PRRG3: variants seen among roughly 807,000 people sequenced by gnomAD.
PRRG3 encodes the protein proline rich and Gla domain 3.
PRRG3 carries 21 observed loss-of-function variants against 15.8 expected under a neutral mutation model. That is an observed-to-expected ratio of 1.33 (90% CI 0.94 to 1.92). PRRG3 has a LOEUF of 1.92. Ranked by LOEUF, PRRG3 falls within the 40% of genes most tolerant of loss-of-function variation. The pLI is 0.00. For missense variants in PRRG3, 251 were observed against 200.2 expected (o/e 1.25, Z -1.53); for synonymous variants, 125 against 84.1 (o/e 1.49, Z -2.66).
intron 1 of PRRG3, 137 bp from the exon 2 acceptor site, chrX:151,698,647 G>A (rs2014807214): frequency 4.7e-6 from 2 of 421,716 alleles, no homozygotes; most frequent in Non-Finnish European, 8.2e-6. Context: ...GCTGCATGGA[G>A]GACGACGCAC....
At position 151,700,778 on chromosome X, in the gene PRRG3, G is replaced by A; in HGVS notation, c.441G>A (p.Gly147=). ...TGCATAGCCAAGGGGAGCCTTCTGG[G>A]CACCGAGAGGCAGCGAACAGCCCCC... ...GTVHSQGEPS[G]HREAANSPQV... is the part of the protein sequence containing the mutation. The change falls in exon 4 of 4, where the codon GGG becomes GGA. Residue 147 remains glycine (G), a synonymous_variant. Coordinates refer to ENST00000674457, the MANE Select transcript of PRRG3 (RefSeq NM_001372163.1). The A allele has an allele frequency of 8.4e-7, 1 of 1,196,270 alleles. No homozygotes were observed. The highest frequency in any genetic ancestry group is 1.1e-6 in the Non-Finnish European group (1 of 885,820).
chrX:151,696,753 C>T (rs774045746), intron 1 of PRRG3, among the ~76,000 whole-genome samples: 1 of 110,360 alleles, frequency 9.1e-6, no homozygotes, highest in South Asian at 3.9e-4. Context: ...ACATAAAGCT[C>T]AGGTATCCAT....
chrX:151,703,290 T>C lies in PRRG3; in HGVS notation c.*2257T>C, dbSNP rs977362866. On this transcript the variant is annotated 3_prime_UTR_variant, in exon 4 of 4. Transcript: ENST00000674457. The stretch of plus-strand genomic sequence containing the variant: ...TCTCTGGGATGGTTTCTGCAGCACA[T>C]TGTAGAAAAAAGACTGTACAGCACA... The C allele has an allele frequency of 8.9e-6, 1 of 112,161 alleles. No homozygotes were observed. Among genetic ancestry groups the C allele is most frequent in the Non-Finnish European group, 1.9e-5 (1 of 53,208 alleles). The allele number at this position is 112,161 out of a possible 1,213,427, so 9.2% of individuals were successfully genotyped here. A position where few individuals can be genotyped will look rare whatever the true frequency, so the allele number is the denominator to read the frequency against.
intron 2 of PRRG3, among the ~76,000 whole-genome samples, chrX:151,699,545 A>G (rs5970097): frequency 0.28 from 30,739 of 111,715 alleles, 3,907 homozygotes; most frequent in Non-Finnish European, 0.4. Flanking sequence ...GTCTTCTAGG[A>G]TTATCTGGTA....
At position 151,701,261 on chromosome X, in the gene PRRG3, GCCCAACTCTTTGGGATGA is replaced by G. The variant is rs2014880132; in HGVS notation, c.*232_*249del. 6.7e-6 allele frequency: 2 copies of G among 300,024 alleles called. No homozygotes were observed. Among genetic ancestry groups the G allele is most frequent in the Admixed American group, 5.6e-5 (1 of 17,775 alleles). 24.7% of individuals were successfully genotyped at this position (300,024 alleles called of 1,213,427 possible). Reference sequence around the variant, plus strand: ...CCCGGGAAGAGCCAAAGGCCAAAGTGCCCAACTCTTTGGGATGACCCCCAAGCCTCCAACATCCTGTCT... The same window carrying G: ...CCCGGGAAGAGCCAAAGGCCAAAGTGCCCCCAAGCCTCCAACATCCTGTCT... On this transcript the variant is annotated 3_prime_UTR_variant, in exon 4 of 4. Coordinates refer to ENST00000674457, the MANE Select transcript of PRRG3 (RefSeq NM_001372163.1).
rs184808621 is a variant in PRRG3, at chrX:151,703,023, C to G, written c.*1990C>G. Reference sequence around the variant, plus strand: ...CAGTTAGCACAGAGCCAGGCATGAGCTCCACTGATCAGAGCCAAAGGGAGT... The same window carrying G: ...CAGTTAGCACAGAGCCAGGCATGAGGTCCACTGATCAGAGCCAAAGGGAGT... On this transcript the variant is annotated 3_prime_UTR_variant, in exon 4 of 4. Transcript: ENST00000674457. The G allele has an allele frequency of 4.4e-5, 5 of 112,751 alleles. No homozygotes were observed. Among genetic ancestry groups the G allele is most frequent in the African/African-American group, 1.3e-4 (4 of 31,031 alleles). 9.3% of individuals were successfully genotyped at this position (112,751 alleles called of 1,213,427 possible). A position where few individuals can be genotyped will look rare whatever the true frequency, so the allele number is the denominator to read the frequency against.
chrX:151,702,987 A>G lies in PRRG3; in HGVS notation c.*1954A>G, dbSNP rs2014910320. 3 of 112,480 alleles carry G rather than the reference A, an allele frequency of 2.7e-5. No individual in the cohort carries two copies. The highest frequency in any genetic ancestry group is 4.6e-3 in the Middle Eastern group (1 of 219). 9.3% of individuals were successfully genotyped at this position (112,480 alleles called of 1,213,427 possible). A position where few individuals can be genotyped will look rare whatever the true frequency, so the allele number is the denominator to read the frequency against. ...AGCAGGTGAGAAGAAACTTATCCCAATATGTCTACTCAGTTAGCACAGAGC... is the reference window on the plus strand; with the variant it reads ...AGCAGGTGAGAAGAAACTTATCCCAGTATGTCTACTCAGTTAGCACAGAGC... On this transcript the variant is annotated 3_prime_UTR_variant, in exon 4 of 4. Transcript: ENST00000674457.
rs149812906 is a variant in PRRG3, at chrX:151,700,875, C to T, written c.538C>T (p.Leu180Phe). 1,336 of 1,206,328 alleles carry T rather than the reference C, an allele frequency of 1.1e-3. 12 individuals carry two copies. In the African/African-American group the frequency reaches 0.021, roughly 19 times the overall value. ...AGAGAGCACCCTCTACCTCCCTGAG[C>T]TCTCTCTCTCCAGACTGTCCAGCAC... The part of the protein sequence containing the change: ...RLESTLYLPE[L>F]SLSRLSSTTP... Residue 180 changes from leucine (L) to phenylalanine (F), a missense_variant, in exon 4 of 4, where the codon CTC (leucine) becomes TTC (phenylalanine). Physicochemically the swap from Leu to Phe is conservative, Grantham distance 22. Transcript: ENST00000674457.
chrX:151,700,667 T>C lies in PRRG3; in HGVS notation c.330T>C (p.Arg110=). 1 of 1,211,039 alleles carries C rather than the reference T, an allele frequency of 8.3e-7. No homozygotes were observed. The highest frequency in any genetic ancestry group is 1.1e-6 in the Non-Finnish European group (1 of 895,246). ...GGTGCCAGCTGCAGAAAGCGACCCG[T>C]CACCACCCCTCCTATGCTCAGAACC... The part of the protein sequence containing the change: ...IWRCQLQKAT[R]HHPSYAQNRY... The change falls in exon 4 of 4, where the codon CGT becomes CGC. Residue 110 remains arginine (R), a synonymous_variant. Transcript: ENST00000674457.
chrX:151,695,340 G>A (rs2014739006), upstream of PRRG3: 1 of 111,087 alleles, frequency 9.0e-6, no homozygotes, highest in Non-Finnish European at 1.9e-5. Context: ...TTCGGCCCTG[G>A]AGGGGCGGGC....
In PRRG3 at chrX:151,701,922, G is replaced by A. The variant is rs1390175325; in HGVS notation, c.*889G>A. 8.9e-6 allele frequency: 1 copy of A among 112,744 alleles called. No homozygotes were observed. The highest frequency in any genetic ancestry group is 1.9e-5 in the Non-Finnish European group (1 of 53,364). 9.3% of individuals were successfully genotyped at this position (112,744 alleles called of 1,213,427 possible). Reference sequence around the variant, plus strand: ...GATTGAGGATTTCTCCTTAACGATGGTGCGCATCTCAGGAGAAGATCCTAA... The same window carrying A: ...GATTGAGGATTTCTCCTTAACGATGATGCGCATCTCAGGAGAAGATCCTAA... On this transcript the variant is annotated 3_prime_UTR_variant, in exon 4 of 4. Transcript: ENST00000674457.
Position 151,696,266 on chromosome X carries a change from A to G in PRRG3, c.-32+722A>G, listed in dbSNP as rs190961298. Among the ~76,000 whole-genome samples the G allele has an allele frequency of 5.9e-3, 653 of 111,099 alleles. 1 individual carries two copies. Among genetic ancestry groups the G allele is most frequent in the Non-Finnish European group, 9.6e-3 (509 of 52,972 alleles). ...CTTATTGTTGCCATAGTAACTGTCT[A>G]CTGATGGTGTATTTATAGGGGAAGA... On this transcript the variant is annotated intron_variant, in intron 1 of 3. Coordinates refer to ENST00000674457, the MANE Select transcript of PRRG3 (RefSeq NM_001372163.1).
In PRRG3 at chrX:151,705,201, T is replaced by C. The variant is rs1055544990; in HGVS notation, c.*4168T>C. 6.2e-6 allele frequency: 2 copies of C among 322,479 alleles called. No individual in the cohort carries two copies. Among genetic ancestry groups the C allele is most frequent in the Non-Finnish European group, 1.3e-5 (2 of 159,257 alleles). 26.6% of individuals were successfully genotyped at this position (322,479 alleles called of 1,213,427 possible). ...TCCGTTATTTATCCTGTGAATAACA[T>C]AGTTTGTGAACTAGACTGCAATTTA... On this transcript the variant is annotated 3_prime_UTR_variant, in exon 4 of 4. Coordinates refer to ENST00000674457, the MANE Select transcript of PRRG3 (RefSeq NM_001372163.1).
rs2014949743 is a variant in PRRG3, at chrX:151,704,688, GAGCTGCTGGTCTAGGTGGCTTTTCAGC to G, written c.*3656_*3682del. 8.9e-6 allele frequency: 1 copy of G among 111,940 alleles called. No individual in the cohort carries two copies. Among genetic ancestry groups the G allele is most frequent in the African/African-American group, 3.3e-5 (1 of 30,561 alleles). 9.2% of individuals were successfully genotyped at this position (111,940 alleles called of 1,213,427 possible). ...GGCTGAGATGGATATCTTGGCAGCA[GAGCTGCTGGTCTAGGTGGCTTTTCAGC>G]TTGACAAGTAATGAAGCTCCATTTC... On this transcript the variant is annotated 3_prime_UTR_variant, in exon 4 of 4. Coordinates refer to ENST00000674457, the MANE Select transcript of PRRG3 (RefSeq NM_001372163.1).
rs2014909925 is a variant in PRRG3 at position 151,702,958 on chromosome X, T to C, written c.*1925T>C. 8.9e-6 allele frequency: 1 copy of C among 112,563 alleles called. No individual in the cohort carries two copies. The highest frequency in any genetic ancestry group is 3.2e-5 in the African/African-American group (1 of 30,979). 9.3% of individuals were successfully genotyped at this position (112,563 alleles called of 1,213,427 possible). On this transcript the variant is annotated 3_prime_UTR_variant, in exon 4 of 4. Coordinates refer to ENST00000674457, the MANE Select transcript of PRRG3 (RefSeq NM_001372163.1). ...TTCAAGTAGGTGCCAGAGTGTGACCTGGGAGCAGGTGAGAAGAAACTTATC... is the reference window on the plus strand; with the variant it reads ...TTCAAGTAGGTGCCAGAGTGTGACCCGGGAGCAGGTGAGAAGAAACTTATC...
intron 1 of PRRG3, 21 bp downstream of exon 1, chrX:151,695,565 T>C (rs2014745552): frequency 9.0e-6 from 1 of 111,593 alleles, no homozygotes; most frequent in African/African-American, 3.3e-5. Flanking sequence ...TTGGGTTGGG[T>C]GTCCCAGTCC....
chrX:151,699,932 G>C (rs1329257779), intron 2 of PRRG3, 64 bp from the exon 3 acceptor site: 1 of 1,085,480 alleles, frequency 9.2e-7, no homozygotes, highest in East Asian at 3.1e-5. Flanking sequence ...GCTGGGCTGG[G>C]CCTGGTTTGA....
chrX:151,698,622 C>A, intron 1 of PRRG3, 162 bp from the exon 2 acceptor site: 1 of 372,851 alleles, frequency 2.7e-6, no homozygotes, highest in Non-Finnish European at 4.7e-6. Context: ...TGAGAAGCAG[C>A]GGAAGCCATG....
rs1249716644 is a variant in PRRG3 at position 151,703,847 on chromosome X, C to CCT, written c.*2815_*2816dup. 5 of 74,153 alleles carry CCT rather than the reference C, an allele frequency of 6.7e-5. No homozygotes were observed. The highest frequency in any genetic ancestry group is 1.9e-4 in the Admixed American group (1 of 5,383). The allele number at this position is 74,153 out of a possible 1,213,427, so 6.1% of individuals were successfully genotyped here. A position where few individuals can be genotyped will look rare whatever the true frequency, so the allele number is the denominator to read the frequency against. ...AGCAGCTGAAAGAAATCTGAGTACT[C>CCT]CTGGGCATGGTTTTTTTTTTTTTTT... On this transcript the variant is annotated 3_prime_UTR_variant, in exon 4 of 4. Transcript: ENST00000674457.
Sources: allele counts gnomAD v4.1 joint callset (sites outside exome capture counted in the v4.1 genomes callset), GRCh38; gene constraint gnomAD v4.1.1; transcripts MANE v1.5; gene names NCBI Gene and HGNC (gene_info 2026-07-23, HGNC 2026-07-21).